The following NTN4 variants were observed in gnomAD, a reference collection of about 807,000 sequenced individuals.
The protein encoded by NTN4 is netrin 4, also known as netrin-4.
Under a neutral mutation model 73.6 loss-of-function variants are expected in NTN4, and 32 were observed. That is an observed-to-expected ratio of 0.44 (90% CI 0.33 to 0.58). The LOEUF is 0.58. NTN4 is among the 20% of genes least tolerant of loss of function. NTN4 has a pLI of 0.04. For synonymous variants in NTN4, 258 were observed against 287.5 expected, an observed-to-expected ratio of 0.90 and a Z score of 1.04; for missense variants, 654 against 798.3, an observed-to-expected ratio of 0.82 and a Z score of 2.18.
intron 3 of NTN4, among the ~76,000 whole-genome samples, chr12:95,734,899 C>T (rs1009617263): frequency 2.6e-5 from 4 of 152,038 alleles, no homozygotes; most frequent in Admixed American, 1.3e-4. Context: ...ATTGGCCAGG[C>T]GTAGTGGCAC....
intron 3 of NTN4, among the ~76,000 whole-genome samples, chr12:95,714,220 G>A (rs4394898): frequency 0.81 from 123,572 of 152,132 alleles, 50,304 homozygotes; most frequent in South Asian, 0.86. Context: ...AAAAATTAAT[G>A]TTTGGAATCA....
intron 2 of NTN4, among the ~76,000 whole-genome samples, chr12:95,774,038 A>G (rs1222557803): frequency 2.6e-5 from 4 of 152,200 alleles, no homozygotes; most frequent in African/African-American, 9.6e-5. Flanking sequence ...CTTGTTATAT[A>G]TACTTCTTCT....
At chr12:95,727,447 ATTTGT>A (rs746401567) in intron 3 of NTN4, among the ~76,000 whole-genome samples, 12 of 151,904 alleles carry the variant, frequency 7.9e-5, no homozygotes, top group Non-Finnish European at 8.8e-5. Context: ...TGTCCAATTT[ATTTGT>A]TTTATTTGTT....
intron 2 of NTN4, among the ~76,000 whole-genome samples, chr12:95,767,488 G>A (rs2079028291): frequency 6.6e-6 from 1 of 152,162 alleles, no homozygotes; most frequent in Non-Finnish European, 1.5e-5. Context: ...CTCCAAAAAT[G>A]CAGGTGAATT....
At chr12:95,705,635 G>A (rs1426755753) in intron 5 of NTN4, among the ~76,000 whole-genome samples, 2 of 152,044 alleles carry the variant, frequency 1.3e-5, no homozygotes, top group African/African-American at 4.8e-5. Context: ...CAGGTCTCAG[G>A]TTCTCAAAAC....
At chr12:95,786,751 C>G (rs908641345) in intron 2 of NTN4, among the ~76,000 whole-genome samples, 188 bp downstream of exon 2, 1 of 152,060 alleles carries the variant, frequency 6.6e-6, no homozygotes, top group Non-Finnish European at 1.5e-5. Flanking sequence ...AGCCAGTGGG[C>G]AATCTGCTTG....
In NTN4 at chr12:95,790,000, G is replaced by C. The variant is rs2079196176; in HGVS notation, c.55+255C>G. Reference sequence around the variant, plus strand: ...AAGCCAAACCAAGAAAGAAACCCCGGTCGCAGTATCCCCGGCAGGGCGCAC... The same window carrying C: ...AAGCCAAACCAAGAAAGAAACCCCGCTCGCAGTATCCCCGGCAGGGCGCAC... On this transcript the variant is annotated intron_variant, in intron 1 of 9. Transcript: ENST00000343702. This position sits in a 1 kb window ranked among gnomAD's most constrained non-coding sequence, Gnocchi z 4.0. The C allele has an allele frequency of 2.5e-6, 1 of 406,950 alleles. No homozygotes were observed. The highest frequency in any genetic ancestry group is 2.1e-5 in the African/African-American group (1 of 48,398). 25.2% of individuals were successfully genotyped at this position (406,950 alleles called of 1,614,324 possible).
intron 7 of NTN4, among the ~76,000 whole-genome samples, chr12:95,674,484 T>G (rs1031071139): frequency 3.3e-5 from 5 of 152,102 alleles, no homozygotes; most frequent in African/African-American, 1.2e-4. Flanking sequence ...AAGAAAAGCT[T>G]GTTTAGTTAT....
intron 7 of NTN4, among the ~76,000 whole-genome samples, chr12:95,671,665 G>A (rs35333110): frequency 0.14 from 20,989 of 151,994 alleles, 1,704 homozygotes; most frequent in African/African-American, 0.21. Context: ...CCATGAAACC[G>A]CTCCCTGGTG....
intron 2 of NTN4, among the ~76,000 whole-genome samples, chr12:95,754,308 C>G (rs1197788398): frequency 2.0e-5 from 2 of 98,948 alleles, no homozygotes; most frequent in African/African-American, 3.6e-5. Flanking sequence ...CTCTCCCACT[C>G]TAGGTTCCCA....
At chr12:95,790,932 G>GA (rs1555222882), upstream of NTN4, among the ~76,000 whole-genome samples, 1 of 148,890 alleles carries the variant, frequency 6.7e-6, no homozygotes, top group Non-Finnish European at 1.5e-5. This position sits in a 1 kb window ranked among gnomAD's most constrained non-coding sequence, Gnocchi z 6.5. Flanking sequence ...GCCGCCCGGG[G>GA]GGGGGGTCCC....
chr12:95,734,990 G>A (rs1414344020), intron 3 of NTN4, among the ~76,000 whole-genome samples: 1 of 152,220 alleles, frequency 6.6e-6, no homozygotes, highest in Non-Finnish European at 1.5e-5. Flanking sequence ...GGTGAGCCAA[G>A]ATCGTGCCAT....
chr12:95,720,619 G>T (rs1474541344), intron 3 of NTN4, among the ~76,000 whole-genome samples: 1 of 152,114 alleles, frequency 6.6e-6, no homozygotes, highest in Non-Finnish European at 1.5e-5. Flanking sequence ...AAACTGCCAA[G>T]AAGGCAGGGT....
chr12:95,685,143 T>G (rs2078351852), intron 5 of NTN4, among the ~76,000 whole-genome samples: 1 of 152,156 alleles, frequency 6.6e-6, no homozygotes, highest in Non-Finnish European at 1.5e-5. Context: ...TGGGATTGAT[T>G]ACAGGCGTGA....
At chr12:95,737,720 G>A (rs563074654) in intron 3 of NTN4, 146 bp downstream of exon 3, 195 of 685,572 alleles carry the variant, frequency 2.8e-4, no homozygotes, top group Non-Finnish European at 4.0e-4. Flanking sequence ...AAGTTAACAG[G>A]CACTTTATAG....
chr12:95,775,293 G>T (rs2079083214), intron 2 of NTN4, among the ~76,000 whole-genome samples: 1 of 152,204 alleles, frequency 6.6e-6, no homozygotes, highest in African/African-American at 2.4e-5. Context: ...TTCCAACTGA[G>T]GTACCGGGTT....
rs2079197948 is a variant in NTN4 at position 95,790,195 on chromosome 12, C to A, written c.55+60G>T. 1 of 1,459,622 alleles carries A rather than the reference C, an allele frequency of 6.9e-7. No homozygotes were observed. 90.4% of individuals were successfully genotyped at this position (1,459,622 alleles called of 1,614,324 possible). A position where few individuals can be genotyped will look rare whatever the true frequency, so the allele number is the denominator to read the frequency against. ...CTGGCTCCCCTGCACCCCCGAGTCCCGAGATGGGTTAGAGAAGCAGCGAGG... is the reference window on the plus strand; with the variant it reads ...CTGGCTCCCCTGCACCCCCGAGTCCAGAGATGGGTTAGAGAAGCAGCGAGG... On this transcript the variant is annotated intron_variant, in intron 1 of 9. Transcript: ENST00000343702. The surrounding 1 kb of genome is among the most constrained non-coding windows in gnomAD (Gnocchi z 6.5).
intron 5 of NTN4, among the ~76,000 whole-genome samples, chr12:95,692,080 G>C (rs955922212): frequency 3.3e-5 from 5 of 152,152 alleles, no homozygotes; most frequent in Non-Finnish European, 7.3e-5. Context: ...TTGTCGCCCA[G>C]GTTGGAGTGC....
chr12:95,790,332 C>G lies in NTN4; in HGVS notation c.-23G>C. On this transcript the variant is annotated 5_prime_UTR_variant, in exon 1 of 10. Transcript: ENST00000343702. The surrounding 1 kb of genome is among the most constrained non-coding windows in gnomAD (Gnocchi z 6.5). ...CATGGCCGGGAGGAGCCGGGAGCAG[C>G]CGGGCCGGGCGGGTGCCGGAGGGAG... 6.6e-7 allele frequency: 1 copy of G among 1,521,136 alleles called. No individual in the cohort carries two copies. Among genetic ancestry groups the G allele is most frequent in the Non-Finnish European group, 8.8e-7 (1 of 1,134,972 alleles). 94.2% of individuals were successfully genotyped at this position (1,521,136 alleles called of 1,614,324 possible). A position where few individuals can be genotyped will look rare whatever the true frequency, so the allele number is the denominator to read the frequency against.
Sources: gnomAD v4.1 joint callset for allele counts (sites outside exome capture counted in the v4.1 genomes callset) on GRCh38, gnomAD v4.1.1 for gene constraint, Gnocchi (gnomAD v3.1) non-coding constraint, MANE v1.5 for transcripts, NCBI Gene and HGNC (gene_info 2026-07-23, HGNC 2026-07-21) for gene names.